Variants in PAN3 observed in about 807,000 individuals in gnomAD.
The protein encoded by PAN3 is PAN2-PAN3 deadenylation complex subunit PAN3.
PAN3 carries 19 observed loss-of-function variants against 96.2 expected under a neutral mutation model. That is an observed-to-expected ratio of 0.20 (90% confidence interval 0.14 to 0.29). The LOEUF (loss-of-function observed/expected upper bound fraction) is 0.29, where lower values mean the gene tolerates loss of function less well. PAN3 is among the 10% of genes least tolerant of loss of function. The pLI is 1.00. For synonymous variants in PAN3, 433 were observed against 406.6 expected (o/e 1.06, Z -0.78); for missense variants, 882 against 1,108.1 (o/e 0.80, Z 2.90).
intron 1 of PAN3, among the ~76,000 whole-genome samples, chr13:28,151,815 G>T (rs550975029): frequency 4.4e-4 from 67 of 152,296 alleles, no homozygotes; most frequent in African/African-American, 1.6e-3. Context: ...GAGCAGATCA[G>T]GAGTTTGGTT....
Position 28,220,322 on chromosome 13 carries a change from C to T in PAN3, c.944C>T (p.Ser315Phe), listed in dbSNP as rs747668111. ...TCCCAGTCAAATATGTCTGCCTTCT[C>T]TCAAGTTTTCTCTCACCCATCCATG... ...NVSQSNMSAF[S>F]QVFSHPSMGS... The change falls in exon 6 of 19, where the codon TCT becomes TTT. Residue 315 changes from serine to phenylalanine, a missense_variant. Coordinates refer to ENST00000380958, the MANE Select transcript of PAN3 (RefSeq NM_175854.8). 1 of 1,613,824 alleles carries T rather than the reference C, an allele frequency of 6.2e-7. No individual in the cohort carries two copies. The highest frequency in any genetic ancestry group is 2.2e-5 in the East Asian group (1 of 44,858).
Position 28,138,645 on chromosome 13 carries a change from C to A in PAN3, c.-13C>A. ...CCTCGGGCGGCGGCGGAAGACGAGG[C>A]TGCGGCGTTGCCATGAACAGTGGCG... On this transcript the variant is annotated 5_prime_UTR_variant, in exon 1 of 19. In the 5' UTR this introduces an upstream ATG that the reference lacks. Transcript: ENST00000380958. 1 of 563,876 alleles carries A rather than the reference C, an allele frequency of 1.8e-6. No individual in the cohort carries two copies. Among genetic ancestry groups the A allele is most frequent in the Non-Finnish European group, 2.8e-6 (1 of 357,594 alleles). The allele number at this position is 563,876 out of a possible 1,614,324, so 34.9% of individuals were successfully genotyped here. A position where few individuals can be genotyped will look rare whatever the true frequency, so the allele number is the denominator to read the frequency against.
At chr13:28,146,914 G>A (rs565456038) in intron 1 of PAN3, among the ~76,000 whole-genome samples, 6 of 151,978 alleles carry the variant, frequency 3.9e-5, no homozygotes, top group Admixed American at 3.3e-4. Context: ...GGCAGAGGTT[G>A]CAGGGTTGCA....
chr13:28,217,111 C>T (rs1293047858), intron 5 of PAN3, among the ~76,000 whole-genome samples: 1 of 137,108 alleles, frequency 7.3e-6, no homozygotes, highest in Admixed American at 7.0e-5. Context: ...AAAACTCTGT[C>T]TCAAAAAAAA....
intron 4 of PAN3, among the ~76,000 whole-genome samples, chr13:28,188,445 T>TA (rs1454852502): frequency 6.6e-6 from 1 of 152,098 alleles, no homozygotes; most frequent in Non-Finnish European, 1.5e-5. Flanking sequence ...CAAAAAATTT[T>TA]AAACAGTTAA....
intron 1 of PAN3, among the ~76,000 whole-genome samples, chr13:28,160,424 T>C (rs975750311): frequency 6.6e-5 from 10 of 152,140 alleles, no homozygotes; most frequent in Admixed American, 5.9e-4. Flanking sequence ...AGCAGCTACT[T>C]GGGATGCATA....
In PAN3 at chr13:28,266,769, C is replaced by T; in HGVS notation, c.1466C>T (p.Pro489Leu). 1 of 1,609,538 alleles carries T rather than the reference C, an allele frequency of 6.2e-7. No homozygotes were observed. Among genetic ancestry groups the T allele is most frequent in the Non-Finnish European group, 8.5e-7 (1 of 1,177,630 alleles). Residue 489 changes from proline (P) to leucine (L), a missense_variant, in exon 10 of 19, where the codon CCA (proline) becomes CTA (leucine). Physicochemically the swap from Pro to Leu is moderately conservative, Grantham distance 98. Coordinates refer to ENST00000380958, the MANE Select transcript of PAN3 (RefSeq NM_175854.8). ...AGCCTATTCCCTCTAGAACCACTGC[C>T]ACCTCCCAACCGGATACAGAAATCA... The part of the protein sequence containing the change: ...YHSLFPLEPL[P>L]PPNRIQKSSN...
At chr13:28,191,854 C>T (rs1370726764) in intron 4 of PAN3, among the ~76,000 whole-genome samples, 1 of 152,100 alleles carries the variant, frequency 6.6e-6, no homozygotes, top group African/African-American at 2.4e-5. Context: ...ATGCTCCCAC[C>T]TCAGGCTCCA....
In PAN3 at chr13:28,294,899, A is replaced by G. The variant is rs1870144030; in HGVS notation, c.*2377A>G. On this transcript the variant is annotated 3_prime_UTR_variant, in exon 19 of 19. Coordinates refer to ENST00000380958, the MANE Select transcript of PAN3 (RefSeq NM_175854.8). ...TTTCAAAGAACTCTCAGTTCTGCCT[A>G]GGTGTTTTTGGGGGAGCCCTGTTTT... 1 of 152,120 alleles carries G rather than the reference A, an allele frequency of 6.6e-6. No individual in the cohort carries two copies. Among genetic ancestry groups the G allele is most frequent in the South Asian group, 2.1e-4 (1 of 4,828 alleles). 9.4% of individuals were successfully genotyped at this position (152,120 alleles called of 1,614,324 possible).
At chr13:28,274,564 A>G (rs1157535767) in intron 14 of PAN3, among the ~76,000 whole-genome samples, 1 of 151,774 alleles carries the variant, frequency 6.6e-6, no homozygotes, top group East Asian at 1.9e-4. Context: ...GTATGTTATG[A>G]GTCGTGTAGT....
chr13:28,285,858 G>A (rs1868905668), intron 17 of PAN3, among the ~76,000 whole-genome samples: 2 of 151,902 alleles, frequency 1.3e-5, no homozygotes, highest in Admixed American at 1.3e-4. Context: ...TTGTTTCTCT[G>A]AGGCCGTCAG....
chr13:28,172,095 T>C (rs1874378937), intron 1 of PAN3, among the ~76,000 whole-genome samples: 1 of 152,224 alleles, frequency 6.6e-6, no homozygotes, highest in South Asian at 2.1e-4. Context: ...AGGAGCTCTG[T>C]GCCAGGAACT....
At chr13:28,264,552 G>T (rs917915862) in intron 9 of PAN3, among the ~76,000 whole-genome samples, 1 of 152,076 alleles carries the variant, frequency 6.6e-6, no homozygotes, top group African/African-American at 2.4e-5. Context: ...TAAAGTAGAA[G>T]TGGTTTTAAA....
rs1870141725 is a variant in PAN3 at position 28,294,879 on chromosome 13, A to G, written c.*2357A>G. 6.6e-6 allele frequency: 1 copy of G among 152,188 alleles called. No homozygotes were observed. The highest frequency in any genetic ancestry group is 6.5e-5 in the Admixed American group (1 of 15,274). 9.4% of individuals were successfully genotyped at this position (152,188 alleles called of 1,614,324 possible). On this transcript the variant is annotated 3_prime_UTR_variant, in exon 19 of 19. Transcript: ENST00000380958. ...TAGTTTTTATTGGGAATGGTTTTCA[A>G]AGAACTCTCAGTTCTGCCTAGGTGT...
intron 5 of PAN3, among the ~76,000 whole-genome samples, chr13:28,200,218 G>A (rs905233548): frequency 2.0e-5 from 3 of 152,178 alleles, no homozygotes; most frequent in African/African-American, 7.2e-5. Context: ...TTGAGGATGA[G>A]GATGCATCCA....
chr13:28,148,537 G>T (rs935536188), intron 1 of PAN3, among the ~76,000 whole-genome samples: 2 of 152,158 alleles, frequency 1.3e-5, no homozygotes, highest in East Asian at 3.8e-4. Flanking sequence ...ACATGCACAG[G>T]TTAAAAATTT....
intron 5 of PAN3, chr13:28,214,398 A>G (rs1178921864): frequency 1.9e-5 from 3 of 154,962 alleles, no homozygotes; most frequent in East Asian, 1.8e-4. Context: ...CAAATGAAGT[A>G]TTGATAGGTG....
At chr13:28,235,662 A>G (rs1012112351) in intron 6 of PAN3, among the ~76,000 whole-genome samples, 2 of 146,904 alleles carry the variant, frequency 1.4e-5, no homozygotes, top group African/African-American at 5.2e-5. Context: ...ATTTTTTAGT[A>G]TTTTTGTCTT....
intron 5 of PAN3, among the ~76,000 whole-genome samples, chr13:28,210,529 T>G (rs1879904279): frequency 6.6e-6 from 1 of 152,208 alleles, no homozygotes; most frequent in Admixed American, 6.5e-5. Context: ...AGGGCTTAGT[T>G]TGCTTCAGAA....
Sources: allele counts gnomAD v4.1 joint callset (sites outside exome capture counted in the v4.1 genomes callset), GRCh38; gene constraint gnomAD v4.1.1; transcripts MANE v1.5; gene names NCBI Gene and HGNC (gene_info 2026-07-23, HGNC 2026-07-21).